TOP1: variants seen among roughly 807,000 people sequenced by gnomAD.
The protein encoded by TOP1 is DNA topoisomerase I.
TOP1 carries 10 observed loss-of-function variants against 111.1 expected under a neutral mutation model. The ratio of observed to expected loss-of-function variants is 0.09; its 90% CI spans 0.06 to 0.15. TOP1 has a LOEUF of 0.15. Among genes scored for constraint, TOP1 ranks in the 10% least tolerant of loss-of-function variants. TOP1 has a pLI of 1.00. For synonymous variants in TOP1, 271 were observed against 302.9 expected, an observed-to-expected ratio of 0.89 and a Z score of 1.10; for missense variants, 474 against 926.7, an observed-to-expected ratio of 0.51 and a Z score of 6.34.
Position 41,039,426 on chromosome 20 carries a change from AGG to A in TOP1, c.58+9972_58+9973del, listed in dbSNP as rs1204983591. 2.1e-3 allele frequency among the ~76,000 whole-genome samples: 327 copies of A among 152,312 alleles called. 1 individual carries two copies. The highest frequency in any genetic ancestry group is 6.4e-3 in the African/African-American group (268 of 41,574). ...CCCCCCTTAAAGAAATTGGAGACCT[AGG>A]ACCTTGGATTTCCAAAGATTTCCAA... is the stretch of plus-strand genomic sequence containing the variant. On this transcript the variant is annotated intron_variant, in intron 2 of 20. Coordinates refer to ENST00000361337, the MANE Select transcript of TOP1 (RefSeq NM_003286.4).
intron 3 of TOP1, among the ~76,000 whole-genome samples, chr20:41,063,446 A>T (rs897208682): frequency 3.9e-5 from 6 of 152,144 alleles, no homozygotes; most frequent in African/African-American, 1.4e-4. Context: ...TTTCTTTTGG[A>T]TACATACCAA....
rs559542577 is a variant in TOP1, at chr20:41,123,985, T to C, written c.*688T>C. 3 of 233,102 alleles carry C rather than the reference T, an allele frequency of 1.3e-5. No individual in the cohort carries two copies. Among genetic ancestry groups the C allele is most frequent in the East Asian group, 1.2e-4 (2 of 16,446 alleles). The allele number at this position is 233,102 out of a possible 1,614,324, so 14.4% of individuals were successfully genotyped here. The stretch of plus-strand genomic sequence containing the variant: ...TTATTTTAAAATATTTAAACCTTTT[T>C]CTTGATCTTAAAGATCGTGTAGATT... On this transcript the variant is annotated 3_prime_UTR_variant, in exon 21 of 21. Coordinates refer to ENST00000361337, the MANE Select transcript of TOP1 (RefSeq NM_003286.4). This position sits in a 1 kb window ranked among gnomAD's most constrained non-coding sequence, Gnocchi z 5.8.
At chr20:41,104,021 C>A (rs2034105965) in intron 13 of TOP1, among the ~76,000 whole-genome samples, 1 of 152,132 alleles carries the variant, frequency 6.6e-6, no homozygotes, top group Non-Finnish European at 1.5e-5. Flanking sequence ...TGAAATGAAG[C>A]TATGTTCAAG....
At chr20:41,084,173 C>T (rs895246900) in intron 7 of TOP1, among the ~76,000 whole-genome samples, 1 of 151,942 alleles carries the variant, frequency 6.6e-6, no homozygotes, top group South Asian at 2.1e-4. Context: ...CAGTACTTTT[C>T]CAAACTCCTT....
rs1437412852 is a variant in TOP1, at chr20:41,103,788, A to G, written c.1308+2435A>G. ...TTCAAAAGGCTACTTTATTTTCTCT[A>G]TTAGAAACACCCATTCTCCTATTCT... is the stretch of plus-strand genomic sequence containing the variant. On this transcript the variant is annotated intron_variant, in intron 13 of 20. Transcript: ENST00000361337. Among the ~76,000 whole-genome samples, 7 of 152,150 alleles carry G rather than the reference A, an allele frequency of 4.6e-5. No homozygotes were observed. In the East Asian group the frequency reaches 1.4e-3, roughly 29 times the overall value.
chr20:41,087,823 T>C (rs1208701795), intron 8 of TOP1, among the ~76,000 whole-genome samples: 1 of 152,254 alleles, frequency 6.6e-6, no homozygotes. Flanking sequence ...CTAGCACTTT[T>C]CCACCTTTCC....
chr20:41,072,935 A>G, intron 3 of TOP1: 1 of 985,442 alleles, frequency 1.0e-6, no homozygotes, highest in Non-Finnish European at 1.2e-6. Context: ...GAAAGTCAGG[A>G]TGATAGCTTC....
chr20:41,073,625 G>C (rs113544015), intron 3 of TOP1, among the ~76,000 whole-genome samples: 2 of 152,154 alleles, frequency 1.3e-5, no homozygotes, highest in Non-Finnish European at 2.9e-5. Flanking sequence ...CTCTGAACTT[G>C]GAGGTGGAAA....
At chr20:41,047,498 G>A (rs776212017) in intron 2 of TOP1, among the ~76,000 whole-genome samples, 15 of 152,152 alleles carry the variant, frequency 9.9e-5, no homozygotes, top group South Asian at 2.1e-4. Flanking sequence ...TGACAAAATC[G>A]CCTAATGACA....
intron 2 of TOP1, among the ~76,000 whole-genome samples, chr20:41,053,510 G>C (rs1206402852): frequency 6.6e-6 from 1 of 152,006 alleles, no homozygotes; most frequent in Admixed American, 6.6e-5. Context: ...GCCTTACTGC[G>C]CTTACTGAAA....
Position 41,061,796 on chromosome 20 carries a change from C to G in TOP1, c.155+306C>G, listed in dbSNP as rs1020970403. On this transcript the variant is annotated intron_variant, in intron 3 of 20. Coordinates refer to ENST00000361337, the MANE Select transcript of TOP1 (RefSeq NM_003286.4). This position sits in a 1 kb window ranked among gnomAD's most constrained non-coding sequence, Gnocchi z 4.6. ...GACACATGATGGCATTTAATCAAGT[C>G]TGTAGCAAGCTTGCCTTGATAAAAG... Among the ~76,000 whole-genome samples, 1 of 152,186 alleles carries G rather than the reference C, an allele frequency of 6.6e-6. No homozygotes were observed. The highest frequency in any genetic ancestry group is 1.5e-5 in the Non-Finnish European group (1 of 68,030).
intron 3 of TOP1, chr20:41,072,750 T>C (rs2033682686): frequency 1.0e-6 from 1 of 985,314 alleles, no homozygotes. Context: ...ATGATCACAT[T>C]GTATTCAGAA....
intron 2 of TOP1, among the ~76,000 whole-genome samples, chr20:41,042,585 T>C (rs899127689): frequency 2.0e-4 from 31 of 152,318 alleles, no homozygotes; most frequent in South Asian, 1.7e-3. Context: ...ATTAAATTAG[T>C]TGGGGACTTC....
chr20:41,105,440 A>G (rs79956094), intron 13 of TOP1, among the ~76,000 whole-genome samples: 4,713 of 152,224 alleles, frequency 0.031, 89 homozygotes, highest in Middle Eastern at 0.051. Flanking sequence ...TAATTAATCC[A>G]TTTTATTTGT....
chr20:41,055,084 T>G (rs1391035102), intron 2 of TOP1, among the ~76,000 whole-genome samples: 3 of 152,242 alleles, frequency 2.0e-5, no homozygotes, highest in South Asian at 2.1e-4. Flanking sequence ...TTAGTTGCCA[T>G]AAGTCTTCTG....
chr20:41,054,373 T>C (rs560053068), intron 2 of TOP1, among the ~76,000 whole-genome samples: 14 of 152,288 alleles, frequency 9.2e-5, no homozygotes, highest in African/African-American at 3.4e-4. Context: ...CGTGTTTGCT[T>C]CCCCTTCCAC....
intron 2 of TOP1, among the ~76,000 whole-genome samples, chr20:41,051,203 C>T (rs1600560032): frequency 1.3e-5 from 2 of 152,154 alleles, no homozygotes; most frequent in Non-Finnish European, 2.9e-5. Context: ...CTCCATTCCC[C>T]ATACACTTGA....
At chr20:41,035,881 A>G (rs1304686225) in intron 2 of TOP1, among the ~76,000 whole-genome samples, 2 of 152,168 alleles carry the variant, frequency 1.3e-5, no homozygotes, top group Non-Finnish European at 1.5e-5. Context: ...CTTCAGGATC[A>G]TTGTCATTTG....
intron 8 of TOP1, among the ~76,000 whole-genome samples, chr20:41,086,158 G>A (rs1430271310): frequency 6.6e-6 from 1 of 151,866 alleles, no homozygotes; most frequent in African/African-American, 2.4e-5. Context: ...AGCTACTTGG[G>A]AAGTTGAGGC....
Sources: allele counts gnomAD v4.1 joint callset (sites outside exome capture counted in the v4.1 genomes callset), GRCh38; gene constraint gnomAD v4.1.1; non-coding constraint Gnocchi (gnomAD v3.1); transcripts MANE v1.5; gene names NCBI Gene and HGNC (gene_info 2026-07-23, HGNC 2026-07-21).